Variants in FHAD1 observed in about 807,000 individuals in gnomAD.
The protein encoded by FHAD1 is forkhead associated phosphopeptide binding domain 1.
Under a neutral mutation model 191.3 loss-of-function variants are expected in FHAD1, and 146 were observed. That is an observed-to-expected ratio of 0.76 (90% confidence interval 0.67 to 0.88). The LOEUF (loss-of-function observed/expected upper bound fraction) is 0.88, where lower values mean the gene tolerates loss of function less well. Ranked by LOEUF, FHAD1 falls within the 40% of genes least tolerant of loss-of-function variation. FHAD1 has a pLI of 0.00. For missense variants in FHAD1, 1,635 were observed against 1,785.8 expected (o/e 0.92, Z 1.52); for synonymous variants, 616 against 672.3 (o/e 0.92, Z 1.29).
intron 22 of FHAD1, among the ~76,000 whole-genome samples, 154 bp downstream of exon 22, chr1:15,360,857 G>A (rs1027188051): frequency 1.1e-4 from 16 of 152,094 alleles, no homozygotes; most frequent in South Asian, 4.2e-4. Flanking sequence ...GTTACACAAC[G>A]ATGTCAGAAG....
At chr1:15,314,287 A>G (rs1293088560) in intron 8 of FHAD1, among the ~76,000 whole-genome samples, 2 of 152,110 alleles carry the variant, frequency 1.3e-5, no homozygotes, top group Non-Finnish European at 2.9e-5. Context: ...TGGGGGTCCA[A>G]GGATGAAGCA....
At chr1:15,253,078 C>A (rs1300905883) in intron 2 of FHAD1, among the ~76,000 whole-genome samples, 1 of 151,980 alleles carries the variant, frequency 6.6e-6, no homozygotes, top group Admixed American at 6.6e-5. Context: ...ACCTTCCACC[C>A]AGTTTCCTCC....
At chr1:15,343,644 A>C (rs566507291) in intron 16 of FHAD1, 2 of 152,228 alleles carry the variant, frequency 1.3e-5, no homozygotes, top group Non-Finnish European at 1.5e-5. Context: ...CCATCTGACC[A>C]AATCATGTGC....
intron 31 of FHAD1, among the ~76,000 whole-genome samples, chr1:15,387,657 G>A (rs1176036858): frequency 6.6e-6 from 1 of 152,132 alleles, no homozygotes; most frequent in African/African-American, 2.4e-5. Context: ...GGGTGATGTA[G>A]GAGGATGGCT....
chr1:15,244,434 TG>T (rs1247362107), upstream of FHAD1, among the ~76,000 whole-genome samples: 2 of 152,138 alleles, frequency 1.3e-5, no homozygotes, highest in East Asian at 3.9e-4. This position sits in a 1 kb window ranked among gnomAD's most constrained non-coding sequence, Gnocchi z 5.1. Flanking sequence ...TGGGTTTCAC[TG>T]GGGTCTGTCT....
chr1:15,345,111 G>T lies in FHAD1; in HGVS notation c.2159G>T (p.Arg720Ile), dbSNP rs1336583545. The T allele has an allele frequency of 5.2e-6, 8 of 1,551,866 alleles. No homozygotes were observed. Among genetic ancestry groups the T allele is most frequent in the Admixed American group, 2.0e-5 (1 of 50,980 alleles). The change falls in exon 17 of 34, where the codon AGA becomes ATA. Residue 720 changes from arginine to isoleucine, a missense_variant. Physicochemically the swap from Arg to Ile is moderately conservative, Grantham distance 97. Coordinates refer to ENST00000688493, the MANE Select transcript of FHAD1 (RefSeq NM_001391957.1). ...AALEEYITQE[R>I]NRAKETLEEE... The stretch of plus-strand genomic sequence containing the variant: ...TTGGAGGAGTACATTACTCAAGAGA[G>T]AAACAGAGCGAAAGAGACTTTAGAG...
At chr1:15,383,364 G>A (rs531993098) in intron 31 of FHAD1, 1 of 415,350 alleles carries the variant, frequency 2.4e-6, no homozygotes, top group Admixed American at 2.5e-5. Context: ...TGCTGCCCAT[G>A]ACCCATGCTG....
intron 3 of FHAD1, among the ~76,000 whole-genome samples, chr1:15,284,231 A>G (rs1429152274): frequency 6.6e-6 from 1 of 152,206 alleles, no homozygotes; most frequent in Non-Finnish European, 1.5e-5. Context: ...CGGTAATCCC[A>G]GCACTTTGGG....
At chr1:15,384,656 G>T (rs1455766400) in intron 31 of FHAD1, 3 of 152,198 alleles carry the variant, frequency 2.0e-5, no homozygotes, top group Non-Finnish European at 4.4e-5. Flanking sequence ...GGTCCGAAGC[G>T]GCCAAGCCAA....
upstream of FHAD1, among the ~76,000 whole-genome samples, chr1:15,243,358 C>T (rs1645620279): frequency 6.6e-6 from 1 of 152,222 alleles, no homozygotes; most frequent in Admixed American, 6.5e-5. Flanking sequence ...TGCTCTCTGT[C>T]ATCCGTCACC....
intron 3 of FHAD1, among the ~76,000 whole-genome samples, chr1:15,277,145 G>T (rs114185250): frequency 5.3e-5 from 8 of 152,174 alleles, no homozygotes; most frequent in Admixed American, 1.3e-4. Context: ...GGAAACCTAC[G>T]TTGGCCTGTT....
downstream of FHAD1, among the ~76,000 whole-genome samples, chr1:15,402,208 TGTTA>T (rs773357418): frequency 6.6e-6 from 1 of 152,242 alleles, no homozygotes; most frequent in Non-Finnish European, 1.5e-5. Context: ...GATGCTACCG[TGTTA>T]GTTAGACCTC....
chr1:15,387,427 G>A (rs966240315), intron 31 of FHAD1, among the ~76,000 whole-genome samples: 1 of 152,154 alleles, frequency 6.6e-6, no homozygotes, highest in African/African-American at 2.4e-5. Context: ...CTAGAGTGGT[G>A]CAGTGTATGG....
intron 1 of FHAD1, among the ~76,000 whole-genome samples, chr1:15,239,004 C>T (rs1645074765): frequency 1.3e-5 from 2 of 152,218 alleles, no homozygotes; most frequent in South Asian, 4.1e-4. Flanking sequence ...AACTCCTGGG[C>T]TGATGCAATC....
chr1:15,310,251 G>T (rs1040009666), intron 7 of FHAD1, among the ~76,000 whole-genome samples: 11 of 152,208 alleles, frequency 7.2e-5, no homozygotes. Context: ...AGACACAATC[G>T]CTGTCTCCGC....
chr1:15,239,627 A>C (rs927051342), intron 1 of FHAD1, among the ~76,000 whole-genome samples: 2 of 152,174 alleles, frequency 1.3e-5, no homozygotes. Context: ...CCTTCACCAC[A>C]TGGAGTGTAG....
intron 6 of FHAD1, among the ~76,000 whole-genome samples, chr1:15,303,102 G>T (rs750615168): frequency 6.6e-6 from 1 of 152,116 alleles, no homozygotes; most frequent in Non-Finnish European, 1.5e-5. Context: ...CCTCTTTTGC[G>T]CTCTGGGAAT....
chr1:15,304,166 T>C lies in FHAD1; in HGVS notation c.915+2725T>C, dbSNP rs115121853. 5.6e-4 allele frequency among the ~76,000 whole-genome samples: 86 copies of C among 152,380 alleles called. 1 individual carries two copies. The highest frequency in any genetic ancestry group is 1.9e-3 in the African/African-American group (81 of 41,596). On this transcript the variant is annotated intron_variant, in intron 6 of 33. Coordinates refer to ENST00000688493, the MANE Select transcript of FHAD1 (RefSeq NM_001391957.1). The stretch of plus-strand genomic sequence containing the variant: ...TTGCTCTCAAAGCCCTTCGATCTGA[T>C]ACAATACCCCAAGACAATGCGTACC...
At chr1:15,392,181 A>AT (rs1249413163) in intron 33 of FHAD1, among the ~76,000 whole-genome samples, 1 of 151,906 alleles carries the variant, frequency 6.6e-6, no homozygotes, top group Non-Finnish European at 1.5e-5. Flanking sequence ...AAAAAAATCC[A>AT]TTTTTCTCTG....
Sources: allele counts gnomAD v4.1 joint callset (sites outside exome capture counted in the v4.1 genomes callset), GRCh38; gene constraint gnomAD v4.1.1; non-coding constraint Gnocchi (gnomAD v3.1); transcripts MANE v1.5; gene names NCBI Gene and HGNC (gene_info 2026-07-23, HGNC 2026-07-21).